SOX6: variants seen among roughly 807,000 people sequenced by gnomAD.
SOX6 encodes transcription factor SOX-6.
A neutral mutation model predicts 97.8 loss-of-function variants in SOX6; 11 were observed. The observed-to-expected ratio is 0.11, with a 90% CI of 0.07 to 0.19. SOX6 has a LOEUF of 0.19. Ranked by LOEUF, SOX6 falls within the 10% of genes least tolerant of loss-of-function variation. SOX6 has a pLI of 1.00. For synonymous variants in SOX6, 360 were observed against 371.4 expected (o/e 0.97, Z 0.35); for missense variants, 810 against 1,039.5 (o/e 0.78, Z 3.04).
chr11:16,242,348 G>T (rs1853219537), intron 3 of SOX6, among the ~76,000 whole-genome samples: 1 of 151,904 alleles, frequency 6.6e-6, no homozygotes, highest in African/African-American at 2.4e-5. Context: ...TAGCCTAGGT[G>T]TGTACTAGGC....
At chr11:16,519,156 A>G (rs1451319613) in intron 4 of SOX6, among the ~76,000 whole-genome samples, 1 of 152,200 alleles carries the variant, frequency 6.6e-6, no homozygotes, top group African/African-American at 2.4e-5. Context: ...TCAAAGAAGA[A>G]AAAAACATAA....
At chr11:16,596,009 A>G (rs1848209404) in intron 4 of SOX6, among the ~76,000 whole-genome samples, 1 of 152,206 alleles carries the variant, frequency 6.6e-6, no homozygotes, top group African/African-American at 2.4e-5. Context: ...AGAAGTTATG[A>G]TATACACCAA....
intron 3 of SOX6, among the ~76,000 whole-genome samples, chr11:16,622,268 A>G (rs1421299500): frequency 6.6e-6 from 1 of 151,974 alleles, no homozygotes; most frequent in Admixed American, 6.6e-5. Context: ...GTGTATACTG[A>G]TTTATTTTAT....
chr11:16,513,841 G>C (rs769010431), intron 4 of SOX6, among the ~76,000 whole-genome samples: 1 of 152,040 alleles, frequency 6.6e-6, no homozygotes, highest in East Asian at 1.9e-4. Flanking sequence ...AAATAAAAAA[G>C]ATGAGACTCA....
chr11:16,120,146 T>C (rs1849451658), intron 6 of SOX6, among the ~76,000 whole-genome samples: 2 of 135,000 alleles, frequency 1.5e-5, no homozygotes, highest in Non-Finnish European at 3.2e-5. Flanking sequence ...TTCCCCTCTG[T>C]CTCTCTCTTC....
chr11:16,485,976 G>GGGAGGGGAGGGGAGA (rs1860425243), intron 4 of SOX6, among the ~76,000 whole-genome samples: 1 of 10,156 alleles, frequency 9.8e-5, no homozygotes, highest in Non-Finnish European at 2.6e-4. Flanking sequence ...GGGAGGGGAG[G>GGGAGGGGAGGGGAGA]GGAGGGGAGG....
intron 4 of SOX6, among the ~76,000 whole-genome samples, chr11:16,205,390 T>C (rs2134133782): frequency 6.6e-6 from 1 of 152,270 alleles, no homozygotes; most frequent in South Asian, 2.1e-4. Flanking sequence ...TGCATTTCAT[T>C]TGCCCATGTA....
intron 2 of SOX6, among the ~76,000 whole-genome samples, chr11:16,329,781 C>G (rs535713928): frequency 1.6e-4 from 25 of 152,304 alleles, no homozygotes; most frequent in Non-Finnish European, 1.8e-4. Flanking sequence ...TTTGGCCTCT[C>G]CCTAAACGCT....
chr11:16,693,626 G>A (rs1473020779), intron 3 of SOX6, among the ~76,000 whole-genome samples: 1 of 151,988 alleles, frequency 6.6e-6, no homozygotes, highest in Non-Finnish European at 1.5e-5. Context: ...TAAGACCAGA[G>A]TAAACTAAAT....
intron 1 of SOX6, among the ~76,000 whole-genome samples, chr11:16,348,623 A>T (rs1031176875): frequency 1.3e-5 from 2 of 152,142 alleles, no homozygotes; most frequent in African/African-American, 4.8e-5. Flanking sequence ...AACTTTCCAG[A>T]CATTTCCAAG....
At chr11:16,573,396 G>C (rs1328965702) in intron 4 of SOX6, among the ~76,000 whole-genome samples, 2 of 152,096 alleles carry the variant, frequency 1.3e-5, no homozygotes, top group African/African-American at 4.8e-5. Context: ...ACTTAAGAAG[G>C]CCTTTGATGT....
chr11:16,015,141 G>T, intron 12 of SOX6, 91 bp from the exon 13 acceptor site: 1 of 1,072,780 alleles, frequency 9.3e-7, no homozygotes, highest in Non-Finnish European at 1.4e-6. Context: ...GCCAAAAGGT[G>T]AATTCAAAAA....
At chr11:16,481,919 G>A (rs7101556) in intron 4 of SOX6, among the ~76,000 whole-genome samples, 24,549 of 151,862 alleles carry the variant, frequency 0.16, 2,015 homozygotes, top group Non-Finnish European at 0.17. Flanking sequence ...GTATTATAAA[G>A]TATTTTATGA....
chr11:16,036,394 T>A lies in SOX6; in HGVS notation c.1623+10120A>T, dbSNP rs745614704. 1.5e-3 allele frequency among the ~76,000 whole-genome samples: 233 copies of A among 152,250 alleles called. 3 individuals carry two copies. The highest frequency in any genetic ancestry group is 5.9e-4 in the Non-Finnish European group (40 of 68,006). ...GCACCCGGCCTGATTCAACTCTTCT[T>A]ATAGTGTGATGAAGAAGTGCTGACT... On this transcript the variant is annotated intron_variant, in intron 12 of 15. Coordinates refer to ENST00000683767, the MANE Select transcript of SOX6 (RefSeq NM_001367873.1).
chr11:16,597,861 C>T (rs188243114), intron 4 of SOX6, among the ~76,000 whole-genome samples: 63 of 152,066 alleles, frequency 4.1e-4, no homozygotes, highest in Admixed American at 1.2e-3. Context: ...AGAAGTTGAA[C>T]ATGTAAACTC....
chr11:16,526,907 T>A (rs1861175354), intron 4 of SOX6, among the ~76,000 whole-genome samples: 1 of 152,088 alleles, frequency 6.6e-6, no homozygotes, highest in Non-Finnish European at 1.5e-5. Flanking sequence ...CCCGGACATC[T>A]TCTAAGATAC....
At chr11:16,078,361 T>A (rs1419873736) in intron 9 of SOX6, among the ~76,000 whole-genome samples, 2 of 152,224 alleles carry the variant, frequency 1.3e-5, no homozygotes, top group Non-Finnish European at 2.9e-5. Flanking sequence ...GAAATTAGAT[T>A]TGAAATCTAA....
chr11:16,686,664 T>C (rs142002186), intron 3 of SOX6, among the ~76,000 whole-genome samples: 74 of 152,352 alleles, frequency 4.9e-4, no homozygotes, highest in African/African-American at 1.5e-3. Flanking sequence ...TCCCTCATTT[T>C]CCTGTCTTCT....
chr11:16,061,682 G>A (rs1274933951), intron 9 of SOX6, among the ~76,000 whole-genome samples: 1 of 151,824 alleles, frequency 6.6e-6, no homozygotes, highest in Non-Finnish European at 1.5e-5. Context: ...TATGGTACTT[G>A]TGTAAAAATA....
Sources: allele counts gnomAD v4.1 joint callset (sites outside exome capture counted in the v4.1 genomes callset), GRCh38; gene constraint gnomAD v4.1.1; transcripts MANE v1.5; gene names NCBI Gene and HGNC (gene_info 2026-07-23, HGNC 2026-07-21).